The following ULK4 variants were observed in gnomAD, a reference collection of about 807,000 sequenced individuals.
ULK4 encodes inactive serine/threonine-protein kinase ULK4.
Under a neutral mutation model 160.6 loss-of-function variants are expected in ULK4, and 133 were observed. The ratio of observed to expected loss-of-function variants is 0.83; its 90% CI spans 0.72 to 0.96. The LOEUF is 0.96. ULK4 is among the 40% of genes least tolerant of loss of function. The pLI, the probability that ULK4 is intolerant of heterozygous loss-of-function variation, is 0.00. For missense variants in ULK4, 1,580 were observed against 1,499.5 expected (o/e 1.05, Z -0.89); for synonymous variants, 534 against 539.8 (o/e 0.99, Z 0.15).
intron 17 of ULK4, among the ~76,000 whole-genome samples, chr3:41,836,355 T>G (rs939343314): frequency 2.0e-5 from 3 of 152,126 alleles, no homozygotes; most frequent in Non-Finnish European, 4.4e-5. Flanking sequence ...GTATTCTTAG[T>G]AGAGACGGGG....
intron 4 of ULK4, among the ~76,000 whole-genome samples, chr3:41,935,209 A>AT (rs10524611): frequency 2.9e-5 from 4 of 135,610 alleles, no homozygotes; most frequent in African/African-American, 1.3e-4. Context: ...TTATTTATTT[A>AT]TTTTTTTTTT....
chr3:41,938,437 T>C (rs978626660), intron 2 of ULK4, among the ~76,000 whole-genome samples: 7 of 152,146 alleles, frequency 4.6e-5, no homozygotes, highest in Admixed American at 3.9e-4. Flanking sequence ...TCCCAGCACT[T>C]TGGGAGGCCG....
chr3:41,543,723 TC>T (rs2086768035), intron 32 of ULK4, among the ~76,000 whole-genome samples: 1 of 152,190 alleles, frequency 6.6e-6, no homozygotes, highest in African/African-American at 2.4e-5. Flanking sequence ...GCCCTTATAA[TC>T]CTTTTTATCT....
intron 34 of ULK4, among the ~76,000 whole-genome samples, chr3:41,410,634 A>G (rs1035020955): frequency 7.6e-6 from 1 of 130,746 alleles, no homozygotes; most frequent in African/African-American, 3.2e-5. Context: ...TACTTTTGAG[A>G]GGTTAATTTT....
At chr3:41,542,722 T>C (rs1443146399) in intron 32 of ULK4, among the ~76,000 whole-genome samples, 2 of 152,176 alleles carry the variant, frequency 1.3e-5, no homozygotes, top group Non-Finnish European at 1.5e-5. Flanking sequence ...CATTCAGGGA[T>C]TTGACTTCTT....
intron 19 of ULK4, among the ~76,000 whole-genome samples, chr3:41,801,367 T>A (rs1199453899): frequency 4.6e-5 from 7 of 152,038 alleles, no homozygotes; most frequent in Admixed American, 2.6e-4. Context: ...GTAGGACGCC[T>A]TCAAAAGACC....
intron 35 of ULK4, among the ~76,000 whole-genome samples, chr3:41,347,215 C>A (rs2080818583): frequency 6.6e-6 from 1 of 152,212 alleles, no homozygotes; most frequent in African/African-American, 2.4e-5. Context: ...TTCCAATAAT[C>A]AACTCAGTCC....
At chr3:41,611,524 C>T (rs2032676093) in intron 31 of ULK4, among the ~76,000 whole-genome samples, 1 of 152,138 alleles carries the variant, frequency 6.6e-6, no homozygotes, top group Non-Finnish European at 1.5e-5. Flanking sequence ...ATGTTGCCAG[C>T]CCCACAGTCC....
chr3:41,881,443 T>C (rs1437724567), intron 17 of ULK4, among the ~76,000 whole-genome samples: 4 of 152,202 alleles, frequency 2.6e-5, no homozygotes, highest in Non-Finnish European at 5.9e-5. Context: ...AGTGGCTACT[T>C]AAATTATCAC....
chr3:41,773,930 T>G (rs1186303849), intron 21 of ULK4, among the ~76,000 whole-genome samples: 1 of 152,132 alleles, frequency 6.6e-6, no homozygotes, highest in East Asian at 1.9e-4. Context: ...TATCTACAAC[T>G]ATCTGATCTT....
intron 35 of ULK4, among the ~76,000 whole-genome samples, chr3:41,395,191 CAAA>C (rs11365283): frequency 7.1e-4 from 76 of 106,338 alleles, no homozygotes; most frequent in African/African-American, 2.1e-3. Context: ...GAAAGCACTC[CAAA>C]AAAAAAAAAA....
At chr3:41,598,228 T>C (rs889053927) in intron 31 of ULK4, among the ~76,000 whole-genome samples, 1 of 152,248 alleles carries the variant, frequency 6.6e-6, no homozygotes, top group African/African-American at 2.4e-5. Context: ...CAGCCTGCCA[T>C]GCCCAGTCAT....
intron 34 of ULK4, among the ~76,000 whole-genome samples, chr3:41,413,697 A>AT (rs1214263167): frequency 6.6e-6 from 1 of 151,768 alleles, no homozygotes; most frequent in Non-Finnish European, 1.5e-5. Context: ...AAATAATTAT[A>AT]TTTTCTTTTT....
rs1424096681 is a variant in ULK4, at chr3:41,916,012, C to A, written c.768G>T (p.Leu256Phe). The A allele has an allele frequency of 1.9e-6, 3 of 1,588,086 alleles. No homozygotes were observed. The highest frequency in any genetic ancestry group is 2.6e-6 in the Non-Finnish European group (3 of 1,173,824). ...RPKASSDFIN[L>F]LDGLLQRDPQ... ...GATCTCTTTGAAGTAACCCATCAAG[C>A]AAATTAATAAAATCTGAAGAAGCTT... The change falls in exon 8 of 37, where the codon TTG becomes TTT. Residue 256 changes from leucine (L) to phenylalanine (F), a missense_variant. By Grantham distance (22) the Leu-to-Phe change is conservative. Coordinates refer to ENST00000301831, the MANE Select transcript of ULK4 (RefSeq NM_017886.4).
At chr3:41,411,416 C>CTTT (rs1419217750) in intron 34 of ULK4, among the ~76,000 whole-genome samples, 1 of 133,722 alleles carries the variant, frequency 7.5e-6, no homozygotes, top group Non-Finnish European at 1.6e-5. Flanking sequence ...CCAGACATTC[C>CTTT]TTTCTTTTTT....
intron 34 of ULK4, among the ~76,000 whole-genome samples, chr3:41,449,422 A>T (rs1297018118): frequency 6.6e-6 from 1 of 152,162 alleles, no homozygotes; most frequent in East Asian, 1.9e-4. Flanking sequence ...CAGAAGGCAG[A>T]TGGGCGGTGG....
chr3:41,907,980 A>G, intron 11 of ULK4, 39 bp from the exon 12 acceptor site: 2 of 1,461,528 alleles, frequency 1.4e-6, no homozygotes, highest in Non-Finnish European at 1.9e-6. Flanking sequence ...TCAATTCCAG[A>G]CAGTTTATTC....
chr3:41,945,362 G>A (rs1055588713), intron 2 of ULK4, among the ~76,000 whole-genome samples: 5 of 152,116 alleles, frequency 3.3e-5, no homozygotes, highest in Admixed American at 1.3e-4. Flanking sequence ...TAGAACTCTG[G>A]CTGCAAAGAG....
In ULK4 at chr3:41,491,991, T is replaced by C. The variant is rs1021414205; in HGVS notation, c.3227-28738A>G. Among the ~76,000 whole-genome samples, 31 of 152,012 alleles carry C rather than the reference T, an allele frequency of 2.0e-4. 1 individual carries two copies. Among genetic ancestry groups the C allele is most frequent in the Admixed American group, 5.2e-4 (8 of 15,250 alleles). ...ATGAGAACATGTGGTGTTTGGTTTTTTGTCTTTGCAATAGTTTACTGAGAA... is the reference window on the plus strand; with the variant it reads ...ATGAGAACATGTGGTGTTTGGTTTTCTGTCTTTGCAATAGTTTACTGAGAA... On this transcript the variant is annotated intron_variant, in intron 32 of 36. Transcript: ENST00000301831.
Sources: allele counts gnomAD v4.1 joint callset (sites outside exome capture counted in the v4.1 genomes callset), GRCh38; gene constraint gnomAD v4.1.1; transcripts MANE v1.5; gene names NCBI Gene and HGNC (gene_info 2026-07-23, HGNC 2026-07-21).